The following AMPH variants were observed in gnomAD, a reference collection of about 807,000 sequenced individuals.
AMPH encodes the protein amphiphysin, also known as amphiphysin (Stiff-Mann syndrome with breast cancer 128kD autoantigen).
A neutral mutation model predicts 99.1 loss-of-function variants in AMPH; 49 were observed. That is an observed-to-expected ratio of 0.49 (90% CI 0.39 to 0.63). The LOEUF (loss-of-function observed/expected upper bound fraction) is 0.63. AMPH is among the 20% of genes least tolerant of loss of function. AMPH has a pLI of 0.00. For missense variants in AMPH, 759 were observed against 863.4 expected (o/e 0.88, Z 1.52); for synonymous variants, 314 against 317.3 (o/e 0.99, Z 0.11).
At chr7:38,403,229 C>G (rs534139279) in intron 17 of AMPH, among the ~76,000 whole-genome samples, 2 of 152,134 alleles carry the variant, frequency 1.3e-5, no homozygotes, top group Non-Finnish European at 2.9e-5. Flanking sequence ...AGGAAAGCTA[C>G]GAGAGTCTGG....
At chr7:38,407,076 ATGTGTGTGTGTGTGTG>A (rs70975098) in intron 17 of AMPH, among the ~76,000 whole-genome samples, 465 of 19,570 alleles carry the variant, frequency 0.024, 30 homozygotes, top group Non-Finnish European at 0.033. Context: ...ATATATATAT[ATGTGTGTGTGTGTGTG>A]TGTGTGTGTG....
chr7:38,400,001 C>T (rs1584039577), intron 17 of AMPH, among the ~76,000 whole-genome samples: 1 of 152,194 alleles, frequency 6.6e-6, no homozygotes, highest in Non-Finnish European at 1.5e-5. Flanking sequence ...GAAATCACAG[C>T]GACCAGCACA....
intron 20 of AMPH, among the ~76,000 whole-genome samples, chr7:38,385,851 T>C (rs924358701): frequency 2.0e-5 from 3 of 152,066 alleles, no homozygotes; most frequent in East Asian, 3.8e-4. Flanking sequence ...AAAGGAACAG[T>C]GGGAAATGAG....
At chr7:38,486,159 G>GCT (rs1334767890) in intron 5 of AMPH, among the ~76,000 whole-genome samples, 14 of 141,892 alleles carry the variant, frequency 9.9e-5, no homozygotes. Flanking sequence ...GTAACTATGA[G>GCT]TTTTTTTTTT....
chr7:38,563,381 T>TG, intron 1 of AMPH, among the ~76,000 whole-genome samples: 1 of 152,242 alleles, frequency 6.6e-6, no homozygotes, highest in Non-Finnish European at 1.5e-5. Context: ...CACATCATGA[T>TG]TAAATTATTT....
intron 1 of AMPH, among the ~76,000 whole-genome samples, chr7:38,583,833 C>G (rs142939160): frequency 1.3e-5 from 2 of 152,218 alleles, no homozygotes; most frequent in African/African-American, 2.4e-5. Context: ...TTACTACCCA[C>G]CAAGTCCTAT....
intron 1 of AMPH, among the ~76,000 whole-genome samples, chr7:38,582,772 A>G (rs766410288): frequency 1.3e-5 from 2 of 152,216 alleles, no homozygotes; most frequent in Non-Finnish European, 2.9e-5. Context: ...CAGAAGTCAC[A>G]TCGGGGACGC....
chr7:38,465,558 A>G lies in AMPH; in HGVS notation c.667-9T>C. On this transcript the variant is annotated splice_polypyrimidine_tract_variant and intron_variant, in intron 8 of 20. Coordinates refer to ENST00000356264, the MANE Select transcript of AMPH (RefSeq NM_001635.4). Reference sequence around the variant, plus strand: ...TACAGTTTGTGGCAAAGCTAAGGGGACAGAGGCCACTTGTCTATTAGTCAC... The same window carrying G: ...TACAGTTTGTGGCAAAGCTAAGGGGGCAGAGGCCACTTGTCTATTAGTCAC... The G allele has an allele frequency of 6.4e-7, 1 of 1,570,984 alleles. No homozygotes were observed. Among genetic ancestry groups the G allele is most frequent in the Non-Finnish European group, 8.7e-7 (1 of 1,155,740 alleles).
intron 12 of AMPH, among the ~76,000 whole-genome samples, chr7:38,433,447 C>T (rs542661083): frequency 2.2e-3 from 341 of 152,186 alleles, no homozygotes; most frequent in Non-Finnish European, 4.0e-3. Flanking sequence ...AGATCATGGC[C>T]GGGCGCGGTG....
chr7:38,609,123 G>A (rs987060499), intron 1 of AMPH, among the ~76,000 whole-genome samples: 8 of 152,062 alleles, frequency 5.3e-5, no homozygotes, highest in Non-Finnish European at 7.4e-5. Context: ...GCGGAGGGAG[G>A]GGCCAGTTGC....
chr7:38,439,571 G>A (rs540131969), intron 11 of AMPH, among the ~76,000 whole-genome samples: 31 of 152,260 alleles, frequency 2.0e-4, no homozygotes, highest in African/African-American at 6.7e-4. Context: ...TCCTTAACAA[G>A]ACAAATGAAT....
intron 1 of AMPH, among the ~76,000 whole-genome samples, chr7:38,538,354 G>T (rs1790688694): frequency 6.6e-6 from 1 of 152,216 alleles, no homozygotes; most frequent in African/African-American, 2.4e-5. Flanking sequence ...CAAACACTGG[G>T]CTAAGGGGCT....
At chr7:38,425,161 G>A (rs1217511852) in intron 15 of AMPH, among the ~76,000 whole-genome samples, 1 of 152,114 alleles carries the variant, frequency 6.6e-6, no homozygotes, top group East Asian at 1.9e-4. Flanking sequence ...AACCACAAAT[G>A]AGAAAACTTG....
intron 1 of AMPH, among the ~76,000 whole-genome samples, chr7:38,594,013 G>A (rs185511958): frequency 6.6e-6 from 1 of 152,308 alleles, no homozygotes; most frequent in African/African-American, 2.4e-5. Flanking sequence ...GGGGCTTTGA[G>A]AGGAGGCCTG....
intron 1 of AMPH, among the ~76,000 whole-genome samples, chr7:38,561,781 G>A (rs755555374): frequency 1.1e-4 from 17 of 152,046 alleles, no homozygotes; most frequent in African/African-American, 1.9e-4. Context: ...TGAGATTAAC[G>A]TCCTTATAAG....
intron 1 of AMPH, among the ~76,000 whole-genome samples, chr7:38,563,512 T>C (rs1034971996): frequency 1.3e-5 from 2 of 152,176 alleles, no homozygotes; most frequent in Non-Finnish European, 2.9e-5. Flanking sequence ...AGTACTATAA[T>C]TGGGTTTTGA....
chr7:38,434,155 T>C (rs925877063), intron 12 of AMPH, among the ~76,000 whole-genome samples: 4 of 152,178 alleles, frequency 2.6e-5, no homozygotes, highest in Admixed American at 2.6e-4. Flanking sequence ...TTTTATTACC[T>C]GGCCCTGAGG....
intron 11 of AMPH, among the ~76,000 whole-genome samples, chr7:38,458,522 G>A (rs1787317219): frequency 6.6e-6 from 1 of 152,046 alleles, no homozygotes; most frequent in African/African-American, 2.4e-5. Flanking sequence ...ACGACCAAGT[G>A]GGATTTATAT....
intron 11 of AMPH, among the ~76,000 whole-genome samples, chr7:38,441,561 C>T (rs1456057902): frequency 1.3e-5 from 2 of 151,538 alleles, no homozygotes; most frequent in Non-Finnish European, 1.5e-5. Context: ...AACAAATAAA[C>T]ACAATGGAAC....
Sources: gnomAD v4.1 joint callset for allele counts (sites outside exome capture counted in the v4.1 genomes callset) on GRCh38, gnomAD v4.1.1 for gene constraint, MANE v1.5 for transcripts, NCBI Gene and HGNC (gene_info 2026-07-23, HGNC 2026-07-21) for gene names.